Variants in PRIM2 observed in about 807,000 individuals in gnomAD.
PRIM2 encodes DNA primase large subunit.
In PRIM2, 39 loss-of-function variants were observed where a neutral mutation model predicts 67.3. The observed-to-expected ratio is 0.58, with a 90% confidence interval of 0.45 to 0.76. PRIM2 has a LOEUF of 0.76. Among genes scored for constraint, PRIM2 ranks in the 30% least tolerant of loss-of-function variants. The probability of loss-of-function intolerance (pLI) is 0.00; values close to 1 mark genes in which losing one functional copy is unlikely to be tolerated. For missense variants in PRIM2, 398 were observed against 598.7 expected (o/e 0.66, Z 3.50); for synonymous variants, 143 against 198.7 (o/e 0.72, Z 2.36).
chr6:57,610,601 C>G (rs1240336475), intron 12 of PRIM2, among the ~76,000 whole-genome samples: 2 of 151,818 alleles, frequency 1.3e-5, no homozygotes, highest in Admixed American at 6.6e-5. Flanking sequence ...GGTACCCCTG[C>G]ATTTATTCTC....
intron 7 of PRIM2, among the ~76,000 whole-genome samples, chr6:57,398,836 G>T (rs1770609381): frequency 6.6e-6 from 1 of 152,126 alleles, no homozygotes; most frequent in South Asian, 2.1e-4. Flanking sequence ...CTCCTGTGTT[G>T]AGTGCATATA....
At chr6:57,340,534 T>A (rs1171340423) in intron 5 of PRIM2, among the ~76,000 whole-genome samples, 4 of 152,136 alleles carry the variant, frequency 2.6e-5, no homozygotes, top group Non-Finnish European at 5.9e-5. Flanking sequence ...CCATAAAAAA[T>A]GATGAGTTCA....
chr6:57,491,959 A>G (rs1773901933), intron 7 of PRIM2, among the ~76,000 whole-genome samples: 1 of 152,152 alleles, frequency 6.6e-6, no homozygotes, highest in African/African-American at 2.4e-5. Context: ...GAGCCGCTCC[A>G]TATGGATTTA....
intron 13 of PRIM2, 133 bp from the exon 14 acceptor site, chr6:57,645,795 G>A (rs1777323989): frequency 1.6e-6 from 1 of 617,456 alleles, no homozygotes; most frequent in African/African-American, 1.8e-5. Flanking sequence ...AGCTGATTAA[G>A]TGTTAGAATG....
At chr6:57,449,872 A>C (rs1581915390) in intron 7 of PRIM2, among the ~76,000 whole-genome samples, 1 of 152,180 alleles carries the variant, frequency 6.6e-6, no homozygotes, top group Non-Finnish European at 1.5e-5. Flanking sequence ...TTGTGGTGGA[A>C]CTACCATTGT....
intron 7 of PRIM2, among the ~76,000 whole-genome samples, chr6:57,489,061 T>C (rs1256945030): frequency 6.6e-6 from 1 of 152,218 alleles, no homozygotes; most frequent in Non-Finnish European, 1.5e-5. Flanking sequence ...AGGCACATCC[T>C]TATGTGGCTG....
At chr6:57,589,103 A>G (rs1252636836) in intron 10 of PRIM2, among the ~76,000 whole-genome samples, 1 of 152,224 alleles carries the variant, frequency 6.6e-6, no homozygotes, top group African/African-American at 2.4e-5. Context: ...ATAGTGGTCC[A>G]TTTAGTTTTT....
chr6:57,572,302 C>G (rs1775877524), intron 10 of PRIM2, among the ~76,000 whole-genome samples: 1 of 152,148 alleles, frequency 6.6e-6, no homozygotes, highest in Non-Finnish European at 1.5e-5. Flanking sequence ...GCAGCCAAAA[C>G]CATGGAATTT....
At chr6:57,435,978 A>T (rs187049400) in intron 7 of PRIM2, among the ~76,000 whole-genome samples, 2 of 152,328 alleles carry the variant, frequency 1.3e-5, no homozygotes, top group East Asian at 3.9e-4. Flanking sequence ...CATTTGCCAA[A>T]TTACATTCAG....
chr6:57,255,084 C>T, the PRIM2 span, among the ~76,000 whole-genome samples: 1 of 152,280 alleles, frequency 6.6e-6, no homozygotes, highest in African/African-American at 2.4e-5. Context: ...CAGCCTGACC[C>T]TCAGCTTGGT....
At chr6:57,603,471 TG>T (rs1473880629) in intron 11 of PRIM2, among the ~76,000 whole-genome samples, 1 of 152,318 alleles carries the variant, frequency 6.6e-6, no homozygotes, top group East Asian at 1.9e-4. Context: ...TTATTGACTT[TG>T]TTGAAGGTCA....
At chr6:57,566,690 G>C (rs1775750171) in intron 10 of PRIM2, among the ~76,000 whole-genome samples, 1 of 152,128 alleles carries the variant, frequency 6.6e-6, no homozygotes, top group African/African-American at 2.4e-5. Context: ...CTTTGTTGTT[G>C]TACGTATAGC....
the PRIM2 span, among the ~76,000 whole-genome samples, chr6:57,304,808 G>A: frequency 6.6e-6 from 1 of 152,108 alleles, no homozygotes; most frequent in African/African-American, 2.4e-5. Context: ...GTACATACTC[G>A]ACTACTCCTA....
intron 5 of PRIM2, among the ~76,000 whole-genome samples, chr6:57,327,346 A>T (rs1767900517): frequency 6.6e-6 from 1 of 152,338 alleles, no homozygotes; most frequent in South Asian, 2.1e-4. Context: ...AGCCAAATAA[A>T]ATAAAAAAGT....
intron 12 of PRIM2, among the ~76,000 whole-genome samples, chr6:57,611,449 G>A (rs1245151320): frequency 2.0e-5 from 3 of 152,070 alleles, no homozygotes; most frequent in African/African-American, 7.2e-5. Context: ...ACAGAATAGA[G>A]TTCAGAAATA....
the PRIM2 span, among the ~76,000 whole-genome samples, chr6:57,231,970 T>G: frequency 6.6e-6 from 1 of 152,198 alleles, no homozygotes; most frequent in Non-Finnish European, 1.5e-5. Flanking sequence ...TCATCCTAAG[T>G]TATAGTTGGT....
At chr6:57,613,772 GA>G (rs1444871310) in intron 12 of PRIM2, among the ~76,000 whole-genome samples, 1 of 152,174 alleles carries the variant, frequency 6.6e-6, no homozygotes, top group Non-Finnish European at 1.5e-5. Flanking sequence ...TTGGAGGAGG[GA>G]AACCCTGAAT....
At chr6:57,302,709 G>A in the PRIM2 span, among the ~76,000 whole-genome samples, 18 of 152,188 alleles carry the variant, frequency 1.2e-4, no homozygotes, top group South Asian at 6.2e-4. Flanking sequence ...ATAAACACTC[G>A]AAAGGCCTAG....
chr6:57,600,461 G>T (rs1776444181), intron 10 of PRIM2, among the ~76,000 whole-genome samples: 1 of 151,496 alleles, frequency 6.6e-6, no homozygotes, highest in Admixed American at 6.6e-5. Flanking sequence ...CAGCCCAAGT[G>T]ATAATTCTGC....
Sources: allele counts gnomAD v4.1 joint callset (sites outside exome capture counted in the v4.1 genomes callset), GRCh38; gene constraint gnomAD v4.1.1; transcripts MANE v1.5; gene names NCBI Gene and HGNC (gene_info 2026-07-23, HGNC 2026-07-21).